Variants in TTN observed in about 807,000 individuals in gnomAD.
The protein encoded by TTN is titin.
Under a neutral mutation model 3,223.0 loss-of-function variants are expected in TTN, and 1,525 were observed. The ratio of observed to expected loss-of-function variants is 0.47; its 90% CI spans 0.45 to 0.49. The LOEUF is 0.49. Ranked by LOEUF, TTN falls within the 20% of genes least tolerant of loss-of-function variation. The pLI, the probability that TTN is intolerant of heterozygous loss-of-function variation, is 0.00. For missense variants in TTN, 40,786 were observed against 43,424.0 expected (o/e 0.94, Z 5.40); for synonymous variants, 14,094 against 15,161.0 (o/e 0.93, Z 5.17).
At chr2:178,713,864 A>G (rs758347274) in intron 92 of TTN, 33 bp downstream of exon 92, 3 of 1,604,366 alleles carry the variant, frequency 1.9e-6, no homozygotes, top group South Asian at 1.1e-5. Context: ...CATTATTATA[A>G]TGATGAAGGA....
rs556179122 is a variant in TTN at position 178,561,337 on chromosome 2, T to C, written c.84795A>G (p.Thr28265=). The change falls in exon 326 of 363, where the codon ACA becomes ACG. Residue 28265 remains threonine, a synonymous_variant. Coordinates refer to ENST00000589042, the MANE Select transcript of TTN (RefSeq NM_001267550.2). The stretch of plus-strand genomic sequence containing the variant: ...ACCATTTAAGTGACACTGATTTTCT[T>C]GTGATATTTGTGACTTCAGGTTGTC... The part of the protein sequence containing the change: ...PPGQPEVTNI[T]RKSVSLKWSK... 1.2e-6 allele frequency: 2 copies of C among 1,613,874 alleles called. No individual in the cohort carries two copies. Among genetic ancestry groups the C allele is most frequent in the East Asian group, 4.5e-5 (2 of 44,846 alleles).
Position 178,602,555 on chromosome 2 carries a change from C to A in TTN, c.54847G>T (p.Asp18283Tyr). 1.9e-6 allele frequency: 3 copies of A among 1,572,558 alleles called. No homozygotes were observed. The highest frequency in any genetic ancestry group is 2.6e-6 in the Non-Finnish European group (3 of 1,158,544). ...PGPPSCPEVK[D>Y]KTKSSISLGW... is the part of the protein sequence containing the mutation. ...AGTGAGATGCTTGACTTCGTTTTAT[C>A]TTTAACTTCTGGGCAAGAAGGTGGC... The change falls in exon 283 of 363, where the codon GAT becomes TAT. Residue 18283 changes from aspartate to tyrosine, a missense_variant. Asp to Tyr is a radical substitution (Grantham distance 160). Transcript: ENST00000589042.
At chr2:178,585,618 G>A (rs1327463752) in intron 308 of TTN, among the ~76,000 whole-genome samples, 1 of 151,992 alleles carries the variant, frequency 6.6e-6, no homozygotes. Flanking sequence ...ACAGGCCCCA[G>A]TGTGTGATGC....
At position 178,678,830 on chromosome 2, in the gene TTN, A is replaced by G. The variant is rs2068684284; in HGVS notation, c.33743T>C (p.Val11248Ala). 1.9e-6 allele frequency: 3 copies of G among 1,586,696 alleles called. No individual in the cohort carries two copies. The highest frequency in any genetic ancestry group is 1.2e-5 in the South Asian group (1 of 84,138). The change falls in exon 143 of 363, where the codon GTT becomes GCT. Residue 11248 changes from valine (V) to alanine (A), a missense_variant and splice_region_variant. Physicochemically the swap from Val to Ala is moderately conservative, Grantham distance 64. Coordinates refer to ENST00000589042, the MANE Select transcript of TTN (RefSeq NM_001267550.2). ...PKKEKPPPAK[V>A]PEVPKKPVPE... is the part of the protein sequence containing the mutation. Reference sequence around the variant, plus strand: ...CACAGGTTTCTTGGGCACTTCAGGAACTTCAAAGATATCAAATAGAGTTAG... The same window carrying G: ...CACAGGTTTCTTGGGCACTTCAGGAGCTTCAAAGATATCAAATAGAGTTAG...
chr2:178,637,358 A>G lies in TTN; in HGVS notation c.40927+11T>C, dbSNP rs373086667. 64 of 1,459,414 alleles carry G rather than the reference A, an allele frequency of 4.4e-5. No individual in the cohort carries two copies. Among genetic ancestry groups the G allele is most frequent in the Non-Finnish European group, 5.5e-5 (61 of 1,108,008 alleles). 90.4% of individuals were successfully genotyped at this position (1,459,414 alleles called of 1,614,324 possible). On this transcript the variant is annotated intron_variant, in intron 224 of 362. Transcript: ENST00000589042. ...AGGTTACAATGCAAGTACTAGAAAA[A>G]TGAATTTCACCTTTGATAGGACCTT...
In TTN at chr2:178,775,634, G is replaced by A. The variant is rs1302072310; in HGVS notation, c.6230C>T (p.Ala2077Val). 4 of 1,614,116 alleles carry A rather than the reference G, an allele frequency of 2.5e-6. No individual in the cohort carries two copies. Among genetic ancestry groups the A allele is most frequent in the South Asian group, 1.1e-5 (1 of 91,086 alleles). The change falls in exon 28 of 363, where the codon GCT becomes GTT. Residue 2077 changes from alanine to valine, a missense_variant. Coordinates refer to ENST00000589042, the MANE Select transcript of TTN (RefSeq NM_001267550.2). The part of the protein sequence containing the change: ...DKIELSPSME[A>V]PKIFERIQSQ... ...CTGGATTCTTTCGAAGATTTTTGGA[G>A]CCTCCATACTAGGACTTAGTTCAAT...
chr2:178,746,268 T>A, intron 47 of TTN: 4 of 1,612,224 alleles, frequency 2.5e-6, no homozygotes, highest in Non-Finnish European at 3.4e-6. Context: ...CGAGGAGGCA[T>A]TTCAAATACT....
At chr2:178,716,195 A>T (rs2077458892) in intron 88 of TTN, among the ~76,000 whole-genome samples, 1 of 152,178 alleles carries the variant, frequency 6.6e-6, no homozygotes, top group Non-Finnish European at 1.5e-5. Context: ...TATCAGTTAC[A>T]TAGCATGAAG....
chr2:178,621,360 C>T lies in TTN; in HGVS notation c.45358G>A (p.Ala15120Thr), dbSNP rs773442807. 1.2e-6 allele frequency: 2 copies of T among 1,610,446 alleles called. No homozygotes were observed. The highest frequency in any genetic ancestry group is 3.4e-5 in the Admixed American group (2 of 59,370). Reference protein sequence around the residue: ...DGKVKVHELAAEFISKPQNLE... With the variant: ...DGKVKVHELATEFISKPQNLE... Reference sequence around the variant, plus strand: ...TTTTGAGGCTTTGAGATAAATTCAGCAGCCAGTTCTGGGAAGAAAAAGTTA... The same window carrying T: ...TTTTGAGGCTTTGAGATAAATTCAGTAGCCAGTTCTGGGAAGAAAAAGTTA... Residue 15120 changes from alanine (A) to threonine (T), a missense_variant, in exon 246 of 363, where the codon GCT (alanine) becomes ACT (threonine). Ala to Thr is a moderately conservative substitution (Grantham distance 58). Transcript: ENST00000589042.
At position 178,618,255 on chromosome 2, in the gene TTN, T is replaced by A; in HGVS notation, c.47203A>T (p.Arg15735Ter). The change falls in exon 252 of 363, where the codon AGA (arginine) becomes TGA (stop). Residue 15735 changes from arginine (R) to a stop codon, truncating the protein, a stop_gained. Coordinates refer to ENST00000589042, the MANE Select transcript of TTN (RefSeq NM_001267550.2). LOFTEE classifies it high-confidence loss of function. ...GGCTCACCAGTGCCAACTCTGTTTC[T>A]TGCACTCACACGGAATAGGTACTCA... ...GVEYLFRVSA[R>*]NRVGTGEPVE... The A allele has an allele frequency of 6.2e-7, 1 of 1,612,866 alleles. No individual in the cohort carries two copies. The highest frequency in any genetic ancestry group is 8.5e-7 in the Non-Finnish European group (1 of 1,179,192).
In TTN at chr2:178,530,285, T is replaced by G; in HGVS notation, c.106330A>C (p.Thr35444Pro). 6.2e-7 allele frequency: 1 copy of G among 1,612,408 alleles called. No homozygotes were observed. The highest frequency in any genetic ancestry group is 8.5e-7 in the Non-Finnish European group (1 of 1,178,694). The change falls in exon 358 of 363, where the codon ACT becomes CCT. Residue 35444 changes from threonine (T) to proline (P), a missense_variant. Coordinates refer to ENST00000589042, the MANE Select transcript of TTN (RefSeq NM_001267550.2). ...DSVAKFAVKA[T>P]GEPRPTAIWT... is the part of the protein sequence containing the mutation. ...ATGGCAGTTGGCCGGGGTTCTCCAG[T>G]AGCCTTAACTGCAAATTTAGCAACA...
Position 178,653,235 on chromosome 2 carries a change from T to C in TTN, c.38791+3A>G. On this transcript the variant is annotated splice_donor_region_variant and intron_variant, in intron 198 of 362. Coordinates refer to ENST00000589042, the MANE Select transcript of TTN (RefSeq NM_001267550.2). ...TCTGAAGCCTAAGGTCAGTGACAAA[T>C]ACCTTTAACAGGTGGGACTTCAGGC... 1 of 1,611,742 alleles carries C rather than the reference T, an allele frequency of 6.2e-7. No individual in the cohort carries two copies. Among genetic ancestry groups the C allele is most frequent in the Non-Finnish European group, 8.5e-7 (1 of 1,179,218 alleles).
chr2:178,672,251 T>G lies in TTN; in HGVS notation c.34947A>C (p.Glu11649Asp). The change falls in exon 155 of 363, where the codon GAA becomes GAC. Residue 11649 changes from glutamate (E) to aspartate (D), a missense_variant. Physicochemically the swap from Glu to Asp is conservative, Grantham distance 45. Transcript: ENST00000589042. ...GGCGGAAGGCAACTGATACTTTTTC[T>G]TCAAGGACAGTTCTCCCTGAAAGAG... ...VPPAKGRTVLEEKVSVAFRQE... is the reference protein window; with the variant it reads ...VPPAKGRTVLDEKVSVAFRQE... The G allele has an allele frequency of 6.3e-7, 1 of 1,575,366 alleles. No individual in the cohort carries two copies. The highest frequency in any genetic ancestry group is 1.8e-5 in the Admixed American group (1 of 54,188).
rs1484367786 is a variant in TTN at position 178,607,586 on chromosome 2, A to T, written c.53102T>A (p.Val17701Glu). The T allele has an allele frequency of 1.9e-6, 3 of 1,613,232 alleles. No individual in the cohort carries two copies. The highest frequency in any genetic ancestry group is 3.3e-5 in the Admixed American group (2 of 59,982). ...TTCTTTGGTCCATACTTTTGTAGGTACAGGGCGACCAGTCACCACAGCTGG... is the reference window on the plus strand; with the variant it reads ...TTCTTTGGTCCATACTTTTGTAGGTTCAGGGCGACCAGTCACCACAGCTGG... The part of the protein sequence containing the change: ...RIPAVVTGRP[V>E]PTKVWTKEEG... The change falls in exon 277 of 363, where the codon GTA becomes GAA. Residue 17701 changes from valine to glutamate, a missense_variant. Val to Glu is a moderately radical substitution (Grantham distance 121). Transcript: ENST00000589042.
chr2:178,753,235 G>C, intron 46 of TTN, 55 bp from the exon 47 acceptor site: 2 of 1,373,244 alleles, frequency 1.5e-6, no homozygotes, highest in Non-Finnish European at 2.1e-6. Flanking sequence ...TATATTTTCT[G>C]CATCAATTCA....
rs1279556849 is a variant in TTN at position 178,607,446 on chromosome 2, T to C, written c.53242A>G (p.Asn17748Asp). Residue 17748 changes from asparagine (N) to aspartate (D), a missense_variant, in exon 277 of 363, where the codon AAT becomes GAT. By Grantham distance (23) the Asn-to-Asp change is conservative. Coordinates refer to ENST00000589042, the MANE Select transcript of TTN (RefSeq NM_001267550.2). ...DHGRYVITAT[N>D]SCGSKFAAAR... The stretch of plus-strand genomic sequence containing the variant: ...GCTGCAAATTTGGAACCACAGCTAT[T>C]TGTAGCTGTAATCACATATCTGCCA... The C allele has an allele frequency of 6.2e-7, 1 of 1,613,214 alleles. No individual in the cohort carries two copies. The highest frequency in any genetic ancestry group is 1.3e-5 in the African/African-American group (1 of 75,010).
rs780017546 is a variant in TTN at position 178,614,661 on chromosome 2, T to G, written c.48853A>C (p.Lys16285Gln). The G allele has an allele frequency of 1.1e-5, 18 of 1,612,286 alleles. No homozygotes were observed. The highest frequency in any genetic ancestry group is 3.4e-6 in the Non-Finnish European group (4 of 1,179,108). ...KIELPATVTGKPEPKITWTKA... is the reference protein window; with the variant it reads ...KIELPATVTGQPEPKITWTKA... ...GTCCAAGTTATTTTAGGTTCAGGTT[T>G]TCCGGTTACGGTGGCAGGAAGTTCA... The change falls in exon 261 of 363, where the codon AAA (lysine) becomes CAA (glutamine). Residue 16285 changes from lysine (K) to glutamine (Q), a missense_variant. By Grantham distance (53) the Lys-to-Gln change is moderately conservative (BLOSUM62 1). Coordinates refer to ENST00000589042, the MANE Select transcript of TTN (RefSeq NM_001267550.2).
At chr2:178,737,221 G>A (rs747997947) in intron 49 of TTN, 1 of 152,076 alleles carries the variant, frequency 6.6e-6, no homozygotes, top group Non-Finnish European at 1.5e-5. Flanking sequence ...TATTTGATGA[G>A]TGTTAACTAT....
chr2:178,648,826 C>G (rs57157486), intron 213 of TTN, among the ~76,000 whole-genome samples: 2,432 of 152,220 alleles, frequency 0.016, 71 homozygotes, highest in African/African-American at 0.056. Flanking sequence ...TTCTGCAGCC[C>G]TTTTGTATTC....
Sources: gnomAD v4.1 joint callset for allele counts (sites outside exome capture counted in the v4.1 genomes callset) on GRCh38, gnomAD v4.1.1 for gene constraint, MANE v1.5 for transcripts, NCBI Gene and HGNC (gene_info 2026-07-23, HGNC 2026-07-21) for gene names.